The following PPP1R12A variants were observed in gnomAD, a reference collection of about 807,000 sequenced individuals.
PPP1R12A encodes the protein myosin binding subunit.
In PPP1R12A, 19 loss-of-function variants were observed where a neutral mutation model predicts 139.6. The observed-to-expected ratio is 0.14, with a 90% CI of 0.09 to 0.20. PPP1R12A has a LOEUF of 0.20. Among genes scored for constraint, PPP1R12A ranks in the 10% least tolerant of loss-of-function variants. The pLI, the probability that PPP1R12A is intolerant of heterozygous loss-of-function variation, is 1.00. For synonymous variants in PPP1R12A, 427 were observed against 420.6 expected (o/e 1.02, Z -0.19); for missense variants, 925 against 1,211.5 (o/e 0.76, Z 3.51).
intron 13 of PPP1R12A, 84 bp downstream of exon 13, chr12:79,806,082 G>C: frequency 1.4e-6 from 2 of 1,441,476 alleles, no homozygotes; most frequent in South Asian, 2.8e-5. Context: ...AAAAAATCCA[G>C]AGCCCCACAA....
At chr12:79,860,388 C>T (rs779908890) in intron 2 of PPP1R12A, among the ~76,000 whole-genome samples, 27 of 152,072 alleles carry the variant, frequency 1.8e-4, no homozygotes, top group Non-Finnish European at 3.5e-4. Flanking sequence ...GAGGGACACA[C>T]TGAATAAATG....
At chr12:79,911,585 G>A (rs1266987132) in intron 1 of PPP1R12A, among the ~76,000 whole-genome samples, 3 of 151,922 alleles carry the variant, frequency 2.0e-5, no homozygotes, top group Non-Finnish European at 2.9e-5. Flanking sequence ...CATGTACCCT[G>A]AAACCTGAAA....
chr12:79,833,026 G>A (rs1163788225), intron 3 of PPP1R12A, among the ~76,000 whole-genome samples: 1 of 152,006 alleles, frequency 6.6e-6, no homozygotes, highest in African/African-American at 2.4e-5. Context: ...TACCATTAAA[G>A]TTATTTTCAT....
chr12:79,794,070 T>A, intron 18 of PPP1R12A, 142 bp from the exon 19 acceptor site: 1 of 614,858 alleles, frequency 1.6e-6, no homozygotes. Context: ...TCTAGGATTT[T>A]CTTCTAAATA....
At chr12:79,904,224 A>T (rs117073337) in intron 1 of PPP1R12A, among the ~76,000 whole-genome samples, 1 of 151,944 alleles carries the variant, frequency 6.6e-6, no homozygotes, top group Non-Finnish European at 1.5e-5. Flanking sequence ...CCAAAAAAAA[A>T]AAGGAGTGTA....
In PPP1R12A at chr12:79,828,347, C is replaced by A; in HGVS notation, c.765G>T (p.Leu255=). Residue 255 remains leucine (L), a synonymous_variant, in exon 5 of 25, where the codon CTG becomes CTT. Transcript: ENST00000450142. ...CTTTGTTGACCATCTCCATATCACA[C>A]AGATTGTCCACTAAAATTCGACATG... ...EEACRILVDN[L]CDMEMVNKVG... is the part of the protein sequence containing the mutation. The A allele has an allele frequency of 6.2e-7, 1 of 1,612,226 alleles. No homozygotes were observed. Among genetic ancestry groups the A allele is most frequent in the Non-Finnish European group, 8.5e-7 (1 of 1,178,810 alleles).
chr12:79,830,533 A>C, intron 4 of PPP1R12A, among the ~76,000 whole-genome samples: 1 of 152,306 alleles, frequency 6.6e-6, no homozygotes, highest in East Asian at 1.9e-4. Context: ...GGAACTAAAG[A>C]ATAACTGTTA....
At chr12:79,870,629 A>G (rs1256803618) in intron 2 of PPP1R12A, among the ~76,000 whole-genome samples, 1 of 152,236 alleles carries the variant, frequency 6.6e-6, no homozygotes, top group Non-Finnish European at 1.5e-5. Flanking sequence ...TCATAAATTC[A>G]AACTAATTAG....
At chr12:79,784,781 C>T (rs113146373) in intron 22 of PPP1R12A, among the ~76,000 whole-genome samples, 21,336 of 151,984 alleles carry the variant, frequency 0.14, 1,973 homozygotes, top group Admixed American at 0.23. Flanking sequence ...GGACTACAGG[C>T]GCCCACCACC....
At chr12:79,896,788 T>C (rs1028037761) in intron 1 of PPP1R12A, among the ~76,000 whole-genome samples, 2 of 152,184 alleles carry the variant, frequency 1.3e-5, no homozygotes, top group African/African-American at 4.8e-5. Flanking sequence ...CCTATTCTAT[T>C]TGGCACCAAC....
Position 79,798,488 on chromosome 12 carries a change from C to G in PPP1R12A, c.2091+6G>C. ...AAGTTTTATATATTAATTACATTAA[C>G]TATACCTGTGTTGATCTTCTAGATT... On this transcript the variant is annotated splice_donor_region_variant and intron_variant, in intron 15 of 24. Coordinates refer to ENST00000450142, the MANE Select transcript of PPP1R12A (RefSeq NM_002480.3). The G allele has an allele frequency of 6.6e-7, 1 of 1,507,450 alleles. No homozygotes were observed. The highest frequency in any genetic ancestry group is 1.2e-5 in the South Asian group (1 of 82,822). 93.4% of individuals were successfully genotyped at this position (1,507,450 alleles called of 1,614,324 possible).
chr12:79,910,623 G>C (rs1319525041), intron 1 of PPP1R12A, among the ~76,000 whole-genome samples: 1 of 151,392 alleles, frequency 6.6e-6, no homozygotes, highest in Non-Finnish European at 1.5e-5. Flanking sequence ...ATTCTACTAT[G>C]ATTTCACTCC....
At position 79,821,261 on chromosome 12, in the gene PPP1R12A, A is replaced by T. The variant is rs944016556; in HGVS notation, c.868-95T>A. 1.3e-5 allele frequency: 11 copies of T among 816,678 alleles called. No homozygotes were observed. The Admixed American group carries it at 2.5e-4, about 19-fold the overall frequency. The allele number at this position is 816,678 out of a possible 1,614,324, so 50.6% of individuals were successfully genotyped here. ...AAATAATAACAAAGTAGTTTTTCAG[A>T]CATTAAATAAGACAAAACAAAGAAA... On this transcript the variant is annotated intron_variant, in intron 6 of 24. Transcript: ENST00000450142.
chr12:79,809,518 GC>G (rs1401567209), intron 10 of PPP1R12A, among the ~76,000 whole-genome samples: 2 of 151,874 alleles, frequency 1.3e-5, no homozygotes, highest in Admixed American at 1.3e-4. Flanking sequence ...AACAAAATAA[GC>G]CTGCTCCTTA....
chr12:79,818,418 T>A (rs1875674357), intron 8 of PPP1R12A, among the ~76,000 whole-genome samples: 1 of 152,114 alleles, frequency 6.6e-6, no homozygotes, highest in African/African-American at 2.4e-5. Context: ...TTGTTGTGTT[T>A]TTTTTGTAAA....
At chr12:79,909,864 G>A (rs1360040954) in intron 1 of PPP1R12A, among the ~76,000 whole-genome samples, 3 of 151,774 alleles carry the variant, frequency 2.0e-5, no homozygotes, top group Non-Finnish European at 2.9e-5. Context: ...CATCATATCC[G>A]GCTAATTTTT....
intron 1 of PPP1R12A, among the ~76,000 whole-genome samples, chr12:79,905,615 G>C (rs1303083265): frequency 1.3e-5 from 2 of 152,084 alleles, no homozygotes; most frequent in African/African-American, 4.8e-5. Flanking sequence ...TTAAATTTGA[G>C]TCATTTATTT....
At chr12:79,836,251 C>T (rs1039651078) in intron 3 of PPP1R12A, among the ~76,000 whole-genome samples, 9 of 152,112 alleles carry the variant, frequency 5.9e-5, no homozygotes, top group African/African-American at 1.9e-4. Context: ...AGATAATCAG[C>T]CCATTTAAGA....
intron 14 of PPP1R12A, among the ~76,000 whole-genome samples, chr12:79,804,257 G>A (rs1227420575): frequency 6.6e-6 from 1 of 151,884 alleles, no homozygotes; most frequent in African/African-American, 2.4e-5. Context: ...ATTTCTGTTG[G>A]CTCTGTGGTC....
Sources: gnomAD v4.1 joint callset for allele counts (sites outside exome capture counted in the v4.1 genomes callset) on GRCh38, gnomAD v4.1.1 for gene constraint, MANE v1.5 for transcripts, NCBI Gene and HGNC (gene_info 2026-07-23, HGNC 2026-07-21) for gene names.